Variants in PCDH15 observed in about 807,000 individuals in gnomAD.
PCDH15 encodes protocadherin related 15, also known as protocadherin-15.
PCDH15 carries 129 observed loss-of-function variants against 178.5 expected under a neutral mutation model. That is an observed-to-expected ratio of 0.72 (90% CI 0.63 to 0.84). The LOEUF (loss-of-function observed/expected upper bound fraction) is 0.84, where lower values mean the gene tolerates loss of function less well. Among genes scored for constraint, PCDH15 ranks in the 40% least tolerant of loss-of-function variants. PCDH15 has a pLI of 0.00. For missense variants in PCDH15, 2,230 were observed against 2,099.9 expected (o/e 1.06, Z -1.21); for synonymous variants, 800 against 732.0 (o/e 1.09, Z -1.50).
chr10:53,940,949 G>T lies in PCDH15; in HGVS notation c.3149C>A (p.Thr1050Asn). The change falls in exon 24 of 38, where the codon ACC becomes AAC. Residue 1050 changes from threonine to asparagine, a missense_variant. By Grantham distance (65) the Thr-to-Asn change is moderately conservative (BLOSUM62 0). Transcript: ENST00000644397. Reference sequence around the variant, plus strand: ...AATTACACCAACCATGGTCCCTTTGGTGGCAAGTTCACTTACTGGAGGAGG... The same window carrying T: ...AATTACACCAACCATGGTCCCTTTGTTGGCAAGTTCACTTACTGGAGGAGG... Reference protein sequence around the residue: ...YRPPPVSELATKGTMVGVISA... With the variant: ...YRPPPVSELANKGTMVGVISA... The T allele has an allele frequency of 6.2e-7, 1 of 1,613,374 alleles. No individual in the cohort carries two copies. Among genetic ancestry groups the T allele is most frequent in the Non-Finnish European group, 8.5e-7 (1 of 1,179,396 alleles).
intron 2 of PCDH15, among the ~76,000 whole-genome samples, chr10:55,060,958 T>C (rs1261622007): frequency 6.6e-6 from 1 of 151,922 alleles, no homozygotes; most frequent in African/African-American, 2.4e-5. Context: ...AAATGTAAAA[T>C]GCAAAATTAC....
chr10:54,761,781 C>G (rs1947912509), intron 1 of PCDH15, among the ~76,000 whole-genome samples: 1 of 152,100 alleles, frequency 6.6e-6, no homozygotes, highest in Admixed American at 6.6e-5. Flanking sequence ...TTTTATCAAA[C>G]TAATGAAGGA....
chr10:54,307,102 GTGTATATATATATATATATA>G (rs2060585219), intron 8 of PCDH15, among the ~76,000 whole-genome samples: 3 of 11,728 alleles, frequency 2.6e-4, no homozygotes, highest in African/African-American at 4.1e-4. Flanking sequence ...ATGTGTGTGT[GTGTATATATATATATATATA>G]TATATATATA....
At chr10:54,960,643 T>C (rs954704892) in intron 2 of PCDH15, among the ~76,000 whole-genome samples, 2 of 152,200 alleles carry the variant, frequency 1.3e-5, no homozygotes, top group East Asian at 3.8e-4. Context: ...TAAAATGTCT[T>C]TTCTCAACCC....
intron 2 of PCDH15, among the ~76,000 whole-genome samples, chr10:55,110,535 G>T (rs1837475238): frequency 6.6e-6 from 1 of 151,788 alleles, no homozygotes; most frequent in Non-Finnish European, 1.5e-5. Context: ...GATTTACATG[G>T]ATTCAAACTT....
intron 2 of PCDH15, among the ~76,000 whole-genome samples, chr10:55,524,597 G>A (rs1359283563): frequency 6.6e-6 from 1 of 151,472 alleles, no homozygotes; most frequent in Non-Finnish European, 1.5e-5. Flanking sequence ...TCTTGCAATA[G>A]ATTTCTCTTG....
chr10:54,686,077 G>A (rs1427704973), intron 1 of PCDH15, among the ~76,000 whole-genome samples: 8 of 124,736 alleles, frequency 6.4e-5, no homozygotes, highest in Admixed American at 4.5e-4. Flanking sequence ...TAGTAGAGAC[G>A]GAGTTTCACC....
At chr10:54,380,840 A>T (rs1370469880) in intron 3 of PCDH15, among the ~76,000 whole-genome samples, 1 of 149,484 alleles carries the variant, frequency 6.7e-6, no homozygotes, top group Non-Finnish European at 1.5e-5. Context: ...TTTTAATAGT[A>T]ACTAATATTA....
At chr10:55,577,331 C>A (rs1231670609) in intron 2 of PCDH15, among the ~76,000 whole-genome samples, 2 of 152,068 alleles carry the variant, frequency 1.3e-5, no homozygotes, top group Non-Finnish European at 2.9e-5. Flanking sequence ...TTTGTACATA[C>A]ACAAACATAT....
At chr10:54,235,022 A>C (rs1183967754) in intron 9 of PCDH15, among the ~76,000 whole-genome samples, 1 of 152,128 alleles carries the variant, frequency 6.6e-6, no homozygotes, top group East Asian at 1.9e-4. Context: ...TCTGAAACCC[A>C]CCTGGCAAGC....
intron 3 of PCDH15, among the ~76,000 whole-genome samples, chr10:54,462,276 T>G (rs2077209453): frequency 2.0e-5 from 3 of 149,266 alleles, no homozygotes; most frequent in Admixed American, 2.0e-4. Flanking sequence ...ATGTCCTAAT[T>G]TTTGGAAGGA....
intron 2 of PCDH15, among the ~76,000 whole-genome samples, chr10:55,047,716 C>G (rs1206085693): frequency 6.6e-6 from 1 of 151,548 alleles, no homozygotes; most frequent in East Asian, 1.9e-4. Context: ...GCATACAATT[C>G]CCCTACTTTC....
chr10:55,403,004 T>C (rs998093677), intron 2 of PCDH15, among the ~76,000 whole-genome samples: 2 of 151,970 alleles, frequency 1.3e-5, no homozygotes, highest in African/African-American at 2.4e-5. Flanking sequence ...TTTTTGATAA[T>C]TGTCACTCTA....
At chr10:54,608,021 A>G in intron 2 of PCDH15, 1 of 449,238 alleles carries the variant, frequency 2.2e-6, no homozygotes, top group Non-Finnish European at 4.2e-6. Context: ...ACTTGCACAC[A>G]TAAGGAATTT....
intron 10 of PCDH15, among the ~76,000 whole-genome samples, chr10:54,209,383 G>A (rs185117448): frequency 4.6e-5 from 7 of 152,132 alleles, no homozygotes; most frequent in Non-Finnish European, 7.4e-5. Context: ...AAGAGAATGC[G>A]AAATAAAGAA....
intron 2 of PCDH15, among the ~76,000 whole-genome samples, chr10:54,561,802 T>C (rs2088198659): frequency 6.6e-6 from 1 of 151,770 alleles, no homozygotes; most frequent in South Asian, 2.1e-4. Flanking sequence ...AAACCTTAAT[T>C]CTGATTTACA....
chr10:55,155,989 C>A (rs1838877277), intron 2 of PCDH15, among the ~76,000 whole-genome samples: 1 of 152,066 alleles, frequency 6.6e-6, no homozygotes, highest in South Asian at 2.1e-4. Flanking sequence ...CCTAGAGGAG[C>A]TGAAAGAAGA....
chr10:54,481,974 A>T (rs1029805108), intron 3 of PCDH15, among the ~76,000 whole-genome samples: 3 of 151,826 alleles, frequency 2.0e-5, no homozygotes, highest in Non-Finnish European at 2.9e-5. Flanking sequence ...AACAGAGAGG[A>T]ACAATGAAAA....
At chr10:55,283,233 T>C (rs1299232801) in intron 1 of PCDH15, among the ~76,000 whole-genome samples, 2 of 152,086 alleles carry the variant, frequency 1.3e-5, no homozygotes, top group Non-Finnish European at 2.9e-5. Flanking sequence ...TAAGCTGTTT[T>C]ATCTGGTCTC....
Sources: allele counts gnomAD v4.1 joint callset (sites outside exome capture counted in the v4.1 genomes callset), GRCh38; gene constraint gnomAD v4.1.1; transcripts MANE v1.5; gene names NCBI Gene and HGNC (gene_info 2026-07-23, HGNC 2026-07-21).